The following KIRREL3 variants were observed in gnomAD, a reference collection of about 807,000 sequenced individuals.
KIRREL3 encodes the protein kin of IRRE-like protein 3.
A neutral mutation model predicts 89.7 loss-of-function variants in KIRREL3; 36 were observed. The observed-to-expected ratio is 0.40, with a 90% CI of 0.31 to 0.53. KIRREL3 has a LOEUF of 0.53. Ranked by LOEUF, KIRREL3 falls within the 20% of genes least tolerant of loss-of-function variation. KIRREL3 has a pLI of 0.49. For missense variants in KIRREL3, 864 were observed against 1,056.6 expected (o/e 0.82, Z 2.53); for synonymous variants, 445 against 441.4 (o/e 1.01, Z -0.10).
In KIRREL3 at chr11:126,454,043, GGA is replaced by G. The variant is rs1179058350; in HGVS notation, c.848+2304_848+2305del. Among the ~76,000 whole-genome samples, 1 of 152,032 alleles carries G rather than the reference GGA, an allele frequency of 6.6e-6. No homozygotes were observed. On this transcript the variant is annotated intron_variant, in intron 7 of 16. Coordinates refer to ENST00000525144, the MANE Select transcript of KIRREL3 (RefSeq NM_032531.4). The surrounding 1 kb of genome is among the most constrained non-coding windows in gnomAD (Gnocchi z 5.8). ...TTTCAGCTTGCAAAAAACAAACTTC[GGA>G]ATTACAGAAAAGTTGTAAGAATAGT...
intron 1 of KIRREL3, among the ~76,000 whole-genome samples, chr11:126,831,571 A>T (rs897163068): frequency 6.6e-6 from 1 of 152,132 alleles, no homozygotes; most frequent in Non-Finnish European, 1.5e-5. Flanking sequence ...TTCTAAGAGG[A>T]CCAAGACACC....
In KIRREL3 at chr11:126,653,646, G is replaced by A. The variant is rs535257217; in HGVS notation, c.56-90734C>T. Among the ~76,000 whole-genome samples, 3 of 152,242 alleles carry A rather than the reference G, an allele frequency of 2.0e-5. No homozygotes were observed. Among genetic ancestry groups the A allele is most frequent in the South Asian group, 4.2e-4 (2 of 4,816 alleles). On this transcript the variant is annotated intron_variant, in intron 1 of 16. Transcript: ENST00000525144. This position sits in a 1 kb window ranked among gnomAD's most constrained non-coding sequence, Gnocchi z 5.4. ...CAAGGTCACACGGACACTCTGACCC[G>A]ACTCTCTCCTGGCAGCATTCAATGT...
At chr11:126,926,561 G>A (rs970109824) in intron 1 of KIRREL3, among the ~76,000 whole-genome samples, 15 of 152,080 alleles carry the variant, frequency 9.9e-5, no homozygotes, top group Admixed American at 5.2e-4. Flanking sequence ...CTCTACACAC[G>A]TCCCTTGCCT....
chr11:126,433,912 G>C (rs1282526642), intron 13 of KIRREL3, among the ~76,000 whole-genome samples: 1 of 152,226 alleles, frequency 6.6e-6, no homozygotes, highest in Non-Finnish European at 1.5e-5. Context: ...GAGCTGGGCA[G>C]CAGCATTGAA....
In KIRREL3 at chr11:126,579,544, G is replaced by A. The variant is rs964740001; in HGVS notation, c.56-16632C>T. Reference sequence around the variant, plus strand: ...GGGTCCGGGTTCATGCAAGAAGCCAGTGGAAGAGGAGAACTGGGGAGACAG... The same window carrying A: ...GGGTCCGGGTTCATGCAAGAAGCCAATGGAAGAGGAGAACTGGGGAGACAG... On this transcript the variant is annotated intron_variant, in intron 1 of 16. Coordinates refer to ENST00000525144, the MANE Select transcript of KIRREL3 (RefSeq NM_032531.4). This position sits in a 1 kb window ranked among gnomAD's most constrained non-coding sequence, Gnocchi z 5.3. Among the ~76,000 whole-genome samples, 1 of 152,178 alleles carries A rather than the reference G, an allele frequency of 6.6e-6. No homozygotes were observed. The highest frequency in any genetic ancestry group is 1.5e-5 in the Non-Finnish European group (1 of 68,022).
intron 4 of KIRREL3, 46 bp from the exon 5 acceptor site, chr11:126,473,512 G>T: frequency 1.4e-6 from 2 of 1,466,262 alleles, no homozygotes; most frequent in Middle Eastern, 1.9e-4. Context: ...TCCCACCTCG[G>T]GCAGGACGGC....
chr11:126,682,150 C>T lies in KIRREL3; in HGVS notation c.56-119238G>A. 6.1e-6 allele frequency: 2 copies of T among 330,322 alleles called. No individual in the cohort carries two copies. The highest frequency in any genetic ancestry group is 5.1e-5 in the South Asian group (2 of 39,506). The allele number at this position is 330,322 out of a possible 1,614,324, so 20.5% of individuals were successfully genotyped here. A position where few individuals can be genotyped will look rare whatever the true frequency, so the allele number is the denominator to read the frequency against. On this transcript the variant is annotated intron_variant, in intron 1 of 16. Transcript: ENST00000525144. The surrounding 1 kb of genome is among the most constrained non-coding windows in gnomAD (Gnocchi z 4.8). Reference sequence around the variant, plus strand: ...AGGACCTGGGTGAAGGAAGAGTGGGCATCACAGAGCTGCTGTGGAGTGTGT... The same window carrying T: ...AGGACCTGGGTGAAGGAAGAGTGGGTATCACAGAGCTGCTGTGGAGTGTGT...
rs769772638 is a variant in KIRREL3 at position 126,715,444 on chromosome 11, T to A, written c.56-152532A>T. Reference sequence around the variant, plus strand: ...CAGTGCTCTCCTTTCCTGGGGATTGTTGACAGCTCAAGACCACATGGGCTC... The same window carrying A: ...CAGTGCTCTCCTTTCCTGGGGATTGATGACAGCTCAAGACCACATGGGCTC... On this transcript the variant is annotated intron_variant, in intron 1 of 16. Coordinates refer to ENST00000525144, the MANE Select transcript of KIRREL3 (RefSeq NM_032531.4). The surrounding 1 kb of genome is among the most constrained non-coding windows in gnomAD (Gnocchi z 4.4). Among the ~76,000 whole-genome samples, 1 of 152,162 alleles carries A rather than the reference T, an allele frequency of 6.6e-6. No homozygotes were observed. The highest frequency in any genetic ancestry group is 1.5e-5 in the Non-Finnish European group (1 of 68,038).
chr11:126,937,675 G>A (rs1358261882), intron 1 of KIRREL3, among the ~76,000 whole-genome samples: 3 of 151,738 alleles, frequency 2.0e-5, no homozygotes, highest in African/African-American at 4.8e-5. Context: ...CAAGGCGGGT[G>A]GATCACGAGG....
chr11:126,646,125 A>G (rs917120964), intron 1 of KIRREL3, among the ~76,000 whole-genome samples: 6 of 151,488 alleles, frequency 4.0e-5, no homozygotes, highest in Non-Finnish European at 7.4e-5. Context: ...CCACCCCCCA[A>G]ACAGGTCAGC....
chr11:126,974,850 T>A (rs1047028120), intron 1 of KIRREL3, among the ~76,000 whole-genome samples: 1 of 152,122 alleles, frequency 6.6e-6, no homozygotes, highest in Non-Finnish European at 1.5e-5. Flanking sequence ...GGACTACAGG[T>A]GTGCACCACC....
chr11:126,939,934 G>A (rs1379336298), intron 1 of KIRREL3, among the ~76,000 whole-genome samples: 1 of 152,100 alleles, frequency 6.6e-6, no homozygotes, highest in African/African-American at 2.4e-5. Flanking sequence ...CAATCATTAG[G>A]AGAAACCCAG....
intron 7 of KIRREL3, among the ~76,000 whole-genome samples, chr11:126,453,201 G>T (rs1956239898): frequency 6.6e-6 from 1 of 152,150 alleles, no homozygotes; most frequent in Non-Finnish European, 1.5e-5. Context: ...AATCAGGGGG[G>T]CTGGCGTGTC....
At chr11:126,480,199 C>T (rs188297189) in intron 4 of KIRREL3, among the ~76,000 whole-genome samples, 237 of 152,264 alleles carry the variant, frequency 1.6e-3, no homozygotes, top group African/African-American at 5.3e-3. Flanking sequence ...TTATATAATC[C>T]GACAACCTTA....
In KIRREL3 at chr11:126,908,925, T is replaced by C. The variant is rs1257049536; in HGVS notation, c.55+91530A>G. Among the ~76,000 whole-genome samples the C allele has an allele frequency of 6.6e-6, 1 of 152,200 alleles. No individual in the cohort carries two copies. Among genetic ancestry groups the C allele is most frequent in the East Asian group, 1.9e-4 (1 of 5,196 alleles). ...TTGCATATAACCTAAGCACATACAC[T>C]TTAAATATCTAATTACTTATAATAC... is the stretch of plus-strand genomic sequence containing the variant. On this transcript the variant is annotated intron_variant, in intron 1 of 16. Coordinates refer to ENST00000525144, the MANE Select transcript of KIRREL3 (RefSeq NM_032531.4). The surrounding 1 kb of genome is among the most constrained non-coding windows in gnomAD (Gnocchi z 4.2).
chr11:126,983,618 C>T lies in KIRREL3; in HGVS notation c.55+16837G>A, dbSNP rs1315340469. The stretch of plus-strand genomic sequence containing the variant: ...TTGGAGTGAAGGGAGGAAGGGGCCA[C>T]GAGCCAAGGAGTGTAGGCACTCTGC... On this transcript the variant is annotated intron_variant, in intron 1 of 16. Coordinates refer to ENST00000525144, the MANE Select transcript of KIRREL3 (RefSeq NM_032531.4). This position sits in a 1 kb window ranked among gnomAD's most constrained non-coding sequence, Gnocchi z 4.9. Among the ~76,000 whole-genome samples the T allele has an allele frequency of 2.6e-5, 4 of 152,064 alleles. No individual in the cohort carries two copies. The highest frequency in any genetic ancestry group is 6.5e-5 in the Admixed American group (1 of 15,268).
intron 1 of KIRREL3, among the ~76,000 whole-genome samples, chr11:126,706,835 T>G (rs1358413991): frequency 6.6e-6 from 1 of 152,236 alleles, no homozygotes; most frequent in Non-Finnish European, 1.5e-5. Flanking sequence ...TTTTAATAAT[T>G]CTTTTTCCTT....
rs903459825 is a variant in KIRREL3 at position 126,996,016 on chromosome 11, C to T, written c.55+4439G>A. On this transcript the variant is annotated intron_variant, in intron 1 of 16. Coordinates refer to ENST00000525144, the MANE Select transcript of KIRREL3 (RefSeq NM_032531.4). The surrounding 1 kb of genome is among the most constrained non-coding windows in gnomAD (Gnocchi z 4.7). ...TATCCTCTTAGAGCAATGTGAAGGCCTTGACCCCACCCCACTCGTCCTCCC... is the reference window on the plus strand; with the variant it reads ...TATCCTCTTAGAGCAATGTGAAGGCTTTGACCCCACCCCACTCGTCCTCCC... Among the ~76,000 whole-genome samples, 3 of 152,172 alleles carry T rather than the reference C, an allele frequency of 2.0e-5. No homozygotes were observed. Among genetic ancestry groups the T allele is most frequent in the Non-Finnish European group, 4.4e-5 (3 of 68,040 alleles).
At chr11:126,878,511 G>A (rs753705473) in intron 1 of KIRREL3, among the ~76,000 whole-genome samples, 4 of 151,974 alleles carry the variant, frequency 2.6e-5, no homozygotes, top group African/African-American at 9.7e-5. Context: ...CATGAAAAGT[G>A]CATTTTAACC....
Sources: allele counts gnomAD v4.1 joint callset (sites outside exome capture counted in the v4.1 genomes callset), GRCh38; gene constraint gnomAD v4.1.1; non-coding constraint Gnocchi (gnomAD v3.1); transcripts MANE v1.5; gene names NCBI Gene and HGNC (gene_info 2026-07-23, HGNC 2026-07-21).